The following PAK1 variants were observed in gnomAD, a reference collection of about 807,000 sequenced individuals.
The protein encoded by PAK1 is serine/threonine-protein kinase PAK 1.
Under a neutral mutation model 67.4 loss-of-function variants are expected in PAK1, and 29 were observed. The ratio of observed to expected loss-of-function variants is 0.43; its 90% CI spans 0.32 to 0.59. The LOEUF (loss-of-function observed/expected upper bound fraction) is 0.59, where lower values mean the gene tolerates loss of function less well. Among genes scored for constraint, PAK1 ranks in the 20% least tolerant of loss-of-function variants. The probability of loss-of-function intolerance (pLI) is 0.07; values close to 1 mark genes in which losing one functional copy is unlikely to be tolerated. For synonymous variants in PAK1, 223 were observed against 237.4 expected, an observed-to-expected ratio of 0.94 and a Z score of 0.56; for missense variants, 337 against 670.7, an observed-to-expected ratio of 0.50 and a Z score of 5.50.
At chr11:77,503,941 G>T in the PAK1 span, among the ~76,000 whole-genome samples, 10 of 152,124 alleles carry the variant, frequency 6.6e-5, no homozygotes, top group Non-Finnish European at 1.3e-4. Flanking sequence ...GCCCAGGCTG[G>T]AGTGCAGTGG....
Position 77,347,099 on chromosome 11 carries a change from C to G in PAK1, c.885+2140G>C, listed in dbSNP as rs955841775. ...TTCTCCCTGGGGCAGGAAATGAAGC[C>G]TTCCTGACCACACTGCATTAGCCAC... On this transcript the variant is annotated intron_variant, in intron 9 of 14. Transcript: ENST00000356341. The G allele has an allele frequency of 2.0e-5, 9 of 456,058 alleles. 1 individual carries two copies. The highest frequency in any genetic ancestry group is 4.0e-5 in the Non-Finnish European group (9 of 226,902). 28.3% of individuals were successfully genotyped at this position (456,058 alleles called of 1,614,324 possible).
chr11:77,471,216 A>T (rs1957837480), intron 1 of PAK1, among the ~76,000 whole-genome samples: 1 of 152,194 alleles, frequency 6.6e-6, no homozygotes, highest in African/African-American at 2.4e-5. Flanking sequence ...ATGGGATGGG[A>T]TGTCACGCAG....
At chr11:77,379,218 T>C in intron 4 of PAK1, 23 bp downstream of exon 4, 1 of 1,568,604 alleles carries the variant, frequency 6.4e-7, no homozygotes, top group East Asian at 2.3e-5. Flanking sequence ...TTGCTGAGAC[T>C]GCCCTGGACG....
At chr11:77,426,852 A>C (rs1955574546) in intron 1 of PAK1, among the ~76,000 whole-genome samples, 1 of 151,964 alleles carries the variant, frequency 6.6e-6, no homozygotes, top group Non-Finnish European at 1.5e-5. Context: ...AAAAAAAAAA[A>C]AAAAAAAAAT....
intron 1 of PAK1, among the ~76,000 whole-genome samples, chr11:77,410,005 C>T (rs967744331): frequency 1.3e-5 from 2 of 152,106 alleles, no homozygotes; most frequent in African/African-American, 4.8e-5. Flanking sequence ...TCTCTTTCTA[C>T]ACACAAATAA....
At chr11:77,370,957 G>A (rs75760421) in intron 5 of PAK1, among the ~76,000 whole-genome samples, 3,238 of 152,300 alleles carry the variant, frequency 0.021, 106 homozygotes, top group African/African-American at 0.071. Flanking sequence ...CTGTCCATCA[G>A]ACAGGAAAGC....
At chr11:77,357,199 G>A (rs528674183) in intron 6 of PAK1, among the ~76,000 whole-genome samples, 1 of 152,258 alleles carries the variant, frequency 6.6e-6, no homozygotes, top group Non-Finnish European at 1.5e-5. Context: ...GCAACAGTGG[G>A]ACTCAAACCC....
chr11:77,467,431 G>C lies in PAK1; in HGVS notation c.-22+6121C>G, dbSNP rs920896284. On this transcript the variant is annotated intron_variant, in intron 1 of 14. Transcript: ENST00000356341. ...ATTCATCTGTTTATTCAGAACCTAT[G>C]ACAATGCCTGATGCATAATATGTAT... is the stretch of plus-strand genomic sequence containing the variant. Among the ~76,000 whole-genome samples the C allele has an allele frequency of 2.6e-5, 4 of 152,178 alleles. 1 individual carries two copies. Among genetic ancestry groups the C allele is most frequent in the Admixed American group, 2.6e-4 (4 of 15,272 alleles).
intron 1 of PAK1, among the ~76,000 whole-genome samples, chr11:77,417,256 GAATA>G (rs1470248648): frequency 6.6e-6 from 1 of 152,142 alleles, no homozygotes; most frequent in African/African-American, 2.4e-5. Context: ...AAGACTGAAT[GAATA>G]AACTGTGGTA....
intron 1 of PAK1, among the ~76,000 whole-genome samples, chr11:77,399,699 A>G (rs1329359155): frequency 1.3e-5 from 2 of 150,882 alleles, no homozygotes; most frequent in Non-Finnish European, 3.0e-5. Context: ...CTCTACTAAA[A>G]ATACAAAAAA....
At chr11:77,329,422 A>G (rs896846584) in intron 14 of PAK1, 5 of 152,236 alleles carry the variant, frequency 3.3e-5, no homozygotes, top group African/African-American at 1.2e-4. Context: ...GCACATCAAA[A>G]AGCTTATCCG....
the PAK1 span, among the ~76,000 whole-genome samples, chr11:77,507,142 A>G: frequency 1.3e-5 from 2 of 152,254 alleles, no homozygotes; most frequent in Non-Finnish European, 2.9e-5. Context: ...GGTCAGCAGC[A>G]TGTAGAGTGA....
chr11:77,323,140 A>G lies in PAK1; in HGVS notation c.*134T>C. 6.5e-7 allele frequency: 1 copy of G among 1,530,982 alleles called. No individual in the cohort carries two copies. The highest frequency in any genetic ancestry group is 2.0e-5 in the Admixed American group (1 of 51,050). The allele number at this position is 1,530,982 out of a possible 1,614,324, so 94.8% of individuals were successfully genotyped here. Reference sequence around the variant, plus strand: ...CTGGACACACGGTTTCCAAGGATCAAAGTCTTGAGGAGTGCTAGATCAGGA... The same window carrying G: ...CTGGACACACGGTTTCCAAGGATCAGAGTCTTGAGGAGTGCTAGATCAGGA... On this transcript the variant is annotated 3_prime_UTR_variant, in exon 15 of 15. Transcript: ENST00000356341.
intron 1 of PAK1, among the ~76,000 whole-genome samples, chr11:77,464,530 A>G (rs1479594087): frequency 6.6e-6 from 1 of 152,230 alleles, no homozygotes; most frequent in Non-Finnish European, 1.5e-5. Context: ...AGTACTAAGT[A>G]CAATGCTTGG....
At chr11:77,394,619 G>A (rs1023432861) in intron 1 of PAK1, among the ~76,000 whole-genome samples, 6 of 152,134 alleles carry the variant, frequency 3.9e-5, no homozygotes, top group African/African-American at 1.2e-4. Context: ...GACCAAGGTG[G>A]GCAGATCACG....
At chr11:77,470,006 A>C (rs1592594997) in intron 1 of PAK1, among the ~76,000 whole-genome samples, 1 of 152,214 alleles carries the variant, frequency 6.6e-6, no homozygotes, top group Non-Finnish European at 1.5e-5. Flanking sequence ...TTCAAAAATA[A>C]ACAATAAACT....
chr11:77,355,823 A>C lies in PAK1; in HGVS notation c.617T>G (p.Ile206Ser), dbSNP rs759569169. Residue 206 changes from isoleucine to serine, a missense_variant, in exon 7 of 15, where the codon ATT (isoleucine) becomes AGT (serine). Around this residue, in one of 8 missense-constraint regions of PAK1, gnomAD observed 150 missense variants for 179.0 expected, o/e 0.84. Transcript: ENST00000356341. Reference sequence around the variant, plus strand: ...AGTTGGAGTGACAGGAAGTGGTTCAATCACAGACCGTGTGTATACCTGCAT... The same window carrying C: ...AGTTGGAGTGACAGGAAGTGGTTCACTCACAGACCGTGTGTATACCTGCAT... ...HTKSVYTRSV[I>S]EPLPVTPTRD... 2 of 1,613,524 alleles carry C rather than the reference A, an allele frequency of 1.2e-6. No individual in the cohort carries two copies. The highest frequency in any genetic ancestry group is 1.7e-6 in the Non-Finnish European group (2 of 1,179,702).
At chr11:77,490,872 G>A in the PAK1 span, among the ~76,000 whole-genome samples, 1 of 152,152 alleles carries the variant, frequency 6.6e-6, no homozygotes, top group Non-Finnish European at 1.5e-5. Flanking sequence ...GTCCACTCAG[G>A]GTTAAATGGA....
At chr11:77,393,285 AAGAGAGAGAG>A (rs35216521) in intron 1 of PAK1, among the ~76,000 whole-genome samples, 6 of 141,784 alleles carry the variant, frequency 4.2e-5, no homozygotes, top group Non-Finnish European at 6.1e-5. Flanking sequence ...TAAAAAAAAA[AAGAGAGAGAG>A]AGAGAGAGAG....
Sources: gnomAD v4.1 joint callset for allele counts (sites outside exome capture counted in the v4.1 genomes callset) on GRCh38, gnomAD v4.1.1 for gene constraint, gnomAD v4.1.1 regional missense constraint, MANE v1.5 for transcripts, NCBI Gene and HGNC (gene_info 2026-07-23, HGNC 2026-07-21) for gene names.